PHB2: variants seen among roughly 807,000 people sequenced by gnomAD.
PHB2 encodes prohibitin-2.
A neutral mutation model predicts 46.4 loss-of-function variants in PHB2; 22 were observed. The observed-to-expected ratio is 0.47, with a 90% CI of 0.34 to 0.68. The LOEUF is 0.68. PHB2 is among the 30% of genes least tolerant of loss of function. The pLI, the probability that PHB2 is intolerant of heterozygous loss-of-function variation, is 0.01. For synonymous variants in PHB2, 156 were observed against 150.5 expected (o/e 1.04, Z -0.27); for missense variants, 305 against 382.8 (o/e 0.80, Z 1.70).
rs1946297801 is a variant in PHB2 at position 6,970,230 on chromosome 12, G to C, written c.178C>G (p.Gln60Glu). 2.5e-6 allele frequency: 4 copies of C among 1,613,654 alleles called. No individual in the cohort carries two copies. In the South Asian group the frequency reaches 3.3e-5, roughly 13 times the overall value. Residue 60 changes from glutamine (Q) to glutamate (E), a missense_variant, in exon 2 of 10, where the codon CAG becomes GAG. This residue lies in a region of PHB2 where 241 missense variants were observed against 302.7 expected (regional missense o/e 0.80). Coordinates refer to ENST00000535923, the MANE Select transcript of PHB2 (RefSeq NM_001144831.2). Reference sequence around the variant, plus strand: ...AGGCCCTCGGCCAGGATAGTGTCCTGCTGCACTCCACCGATCCGATTGAAG... The same window carrying C: ...AGGCCCTCGGCCAGGATAGTGTCCTCCTGCACTCCACCGATCCGATTGAAG... Reference protein sequence around the residue: ...IFFNRIGGVQQDTILAEGLHF... With the variant: ...IFFNRIGGVQEDTILAEGLHF...
At chr12:6,970,392 C>A (rs782570354) in intron 1 of PHB2, 25 bp downstream of exon 1, 1 of 1,603,958 alleles carries the variant, frequency 6.2e-7, no homozygotes, top group South Asian at 1.1e-5. Context: ...TGGAAGCGTC[C>A]GGCGAGCAGG....
Position 6,967,943 on chromosome 12 carries a change from C to T in PHB2, c.556G>A (p.Glu186Lys). The T allele has an allele frequency of 6.2e-7, 1 of 1,613,888 alleles. No individual in the cohort carries two copies. The change falls in exon 5 of 10, where the codon GAG (glutamate) becomes AAG (lysine). Residue 186 changes from glutamate to lysine, a missense_variant. By Grantham distance (56) the Glu-to-Lys change is moderately conservative. Coordinates refer to ENST00000535923, the MANE Select transcript of PHB2 (RefSeq NM_001144831.2). This position sits in a 1 kb window ranked among gnomAD's most constrained non-coding sequence, Gnocchi z 4.9. Reference sequence around the variant, plus strand: ...GTGTACTCTCGGCTAAAGCTCAGCTCTGTGATGGCCACATCATCCAGGATG... The same window carrying T: ...GTGTACTCTCGGCTAAAGCTCAGCTTTGTGATGGCCACATCATCCAGGATG... The part of the protein sequence containing the change: ...SLILDDVAIT[E>K]LSFSREYTAA...
Position 6,965,657 on chromosome 12 carries a change from C to G in PHB2, c.*28G>C, listed in dbSNP as rs1555150650. On this transcript the variant is annotated 3_prime_UTR_variant, in exon 10 of 10. Transcript: ENST00000535923. The stretch of plus-strand genomic sequence containing the variant: ...AACTGGAGAAGCAGATCCACTTCCT[C>G]TGGGGGTGGAGTTCTTGGTGACTAG... 1 of 1,601,426 alleles carries G rather than the reference C, an allele frequency of 6.2e-7. No individual in the cohort carries two copies. Among genetic ancestry groups the G allele is most frequent in the Non-Finnish European group, 8.5e-7 (1 of 1,169,928 alleles).
intron 9 of PHB2, 86 bp downstream of exon 9, chr12:6,965,825 T>G: frequency 6.3e-7 from 1 of 1,574,960 alleles, no homozygotes; most frequent in Non-Finnish European, 8.7e-7. Flanking sequence ...GGGTTTGTCT[T>G]CGGGGAGGTG....
Position 6,967,961 on chromosome 12 carries a change from C to T in PHB2, c.538G>A (p.Asp180Asn). Reference sequence around the variant, plus strand: ...CTCAGCTCTGTGATGGCCACATCATCCAGGATGAGGCTGAAGTCCTTGGCC... The same window carrying T: ...CTCAGCTCTGTGATGGCCACATCATTCAGGATGAGGCTGAAGTCCTTGGCC... Reference protein sequence around the residue: ...ERAKDFSLILDDVAITELSFS... With the variant: ...ERAKDFSLILNDVAITELSFS... Residue 180 changes from aspartate (D) to asparagine (N), a missense_variant, in exon 5 of 10, where the codon GAT (aspartate) becomes AAT (asparagine). Asp to Asn is a conservative substitution (Grantham distance 23). Coordinates refer to ENST00000535923, the MANE Select transcript of PHB2 (RefSeq NM_001144831.2). This position sits in a 1 kb window ranked among gnomAD's most constrained non-coding sequence, Gnocchi z 4.9. 6.2e-7 allele frequency: 1 copy of T among 1,613,454 alleles called. No homozygotes were observed. The highest frequency in any genetic ancestry group is 8.5e-7 in the Non-Finnish European group (1 of 1,179,402).
intron 8 of PHB2, 135 bp from the exon 9 acceptor site, chr12:6,966,051 G>GA: frequency 2.2e-6 from 2 of 924,388 alleles, no homozygotes; most frequent in Non-Finnish European, 1.7e-6. Context: ...TGACAGCCAG[G>GA]AATCTCAGGC....
In PHB2 at chr12:6,970,226, T is replaced by C; in HGVS notation, c.182A>G (p.Asp61Gly). ...GTGAAGGCCCTCGGCCAGGATAGTG[T>C]CCTGCTGCACTCCACCGATCCGATT... is the stretch of plus-strand genomic sequence containing the variant. Reference protein sequence around the residue: ...FFNRIGGVQQDTILAEGLHFR... With the variant: ...FFNRIGGVQQGTILAEGLHFR... The change falls in exon 2 of 10, where the codon GAC becomes GGC. Residue 61 changes from aspartate (D) to glycine (G), a missense_variant. By Grantham distance (94) the Asp-to-Gly change is moderately conservative. This residue lies in a region of PHB2 where 241 missense variants were observed against 302.7 expected (regional missense o/e 0.80). Transcript: ENST00000535923. The C allele has an allele frequency of 6.2e-7, 1 of 1,613,812 alleles. No individual in the cohort carries two copies. Among genetic ancestry groups the C allele is most frequent in the Non-Finnish European group, 8.5e-7 (1 of 1,179,840 alleles).
intron 9 of PHB2, 66 bp from the exon 10 acceptor site, chr12:6,965,778 T>G (rs945322895): frequency 2.6e-6 from 4 of 1,551,648 alleles, no homozygotes; most frequent in Non-Finnish European, 3.5e-6. Context: ...CAGGACACTC[T>G]AGGCCATTCC....
chr12:6,966,142 G>T (rs1480973347), intron 8 of PHB2, among the ~76,000 whole-genome samples: 1 of 152,216 alleles, frequency 6.6e-6, no homozygotes, highest in Admixed American at 6.5e-5. Flanking sequence ...CACCAGAGGA[G>T]TTTGAGGGCT....
In PHB2 at chr12:6,969,690, A is replaced by C. The variant is rs782363323; in HGVS notation, c.213-113T>G. 6.7e-4 allele frequency: 430 copies of C among 639,764 alleles called. 1 individual carries two copies. The highest frequency in any genetic ancestry group is 6.4e-3 in the African/African-American group (349 of 54,838). 39.6% of individuals were successfully genotyped at this position (639,764 alleles called of 1,614,324 possible). A position where few individuals can be genotyped will look rare whatever the true frequency, so the allele number is the denominator to read the frequency against. ...CGAGGCGGGCGGATCATTTGAGGTC[A>C]GGAGTTCGAGACCAGCTTGATCTAC... On this transcript the variant is annotated intron_variant, in intron 2 of 9. Transcript: ENST00000535923.
Position 6,968,580 on chromosome 12 carries a change from T to C in PHB2, c.308A>G (p.Asn103Ser). The C allele has an allele frequency of 2.5e-6, 4 of 1,613,672 alleles. No individual in the cohort carries two copies. Among genetic ancestry groups the C allele is most frequent in the Non-Finnish European group, 2.5e-6 (3 of 1,179,754 alleles). ...PTGSKDLQMV[N>S]ISLRVLSRPN... ...TCGAGACAACACTCGCAGGGAGATA[T>C]TCACCATCTGTAGGTCTGAGATTGA... Residue 103 changes from asparagine to serine, a missense_variant, in exon 4 of 10, where the codon AAT becomes AGT. Around this residue, in one of 3 missense-constraint regions of PHB2, gnomAD observed 241 missense variants for 302.7 expected, o/e 0.80. Coordinates refer to ENST00000535923, the MANE Select transcript of PHB2 (RefSeq NM_001144831.2).
At chr12:6,969,261 C>T (rs971243166) in intron 3 of PHB2, among the ~76,000 whole-genome samples, 3 of 152,226 alleles carry the variant, frequency 2.0e-5, no homozygotes, top group Middle Eastern at 3.4e-3. Context: ...GTGAACAAGA[C>T]GAGGGACAAA....
chr12:6,970,463 C>G lies in PHB2; in HGVS notation c.81G>C (p.Leu27=). The change falls in exon 1 of 10, where the codon CTG becomes CTC. Residue 27 remains leucine, a synonymous_variant. Transcript: ENST00000535923. ...RGMGTALKLL[L]GAGAVAYGVR... ...CACCGTAGGCCACGGCGCCGGCCCC[C>G]AGCAACAGCTTCAGGGCCGTGCCCA... 1 of 1,605,582 alleles carries G rather than the reference C, an allele frequency of 6.2e-7. No individual in the cohort carries two copies. The highest frequency in any genetic ancestry group is 8.5e-7 in the Non-Finnish European group (1 of 1,179,568).
chr12:6,967,882 T>C lies in PHB2; in HGVS notation c.607+10A>G. The C allele has an allele frequency of 6.2e-7, 1 of 1,613,368 alleles. No homozygotes were observed. Among genetic ancestry groups the C allele is most frequent in the Non-Finnish European group, 8.5e-7 (1 of 1,179,484 alleles). ...TCAGAAGCCCTCACCCCACGGCTCT[T>C]GCGACTCACCCACTTGTTTGGCTTC... On this transcript the variant is annotated intron_variant, in intron 5 of 9. Coordinates refer to ENST00000535923, the MANE Select transcript of PHB2 (RefSeq NM_001144831.2). The surrounding 1 kb of genome is among the most constrained non-coding windows in gnomAD (Gnocchi z 4.9).
At position 6,965,551 on chromosome 12, in the gene PHB2, T is replaced by G. The variant is rs1591698832; in HGVS notation, c.*134A>C. 1.4e-6 allele frequency: 1 copy of G among 718,414 alleles called. No individual in the cohort carries two copies. Among genetic ancestry groups the G allele is most frequent in the Non-Finnish European group, 2.5e-6 (1 of 399,396 alleles). 44.5% of individuals were successfully genotyped at this position (718,414 alleles called of 1,614,324 possible). A position where few individuals can be genotyped will look rare whatever the true frequency, so the allele number is the denominator to read the frequency against. On this transcript the variant is annotated 3_prime_UTR_variant, in exon 10 of 10. Transcript: ENST00000535923. ...TCAGTCTTCCTTAATCCAAGAGGGG[T>G]TCAGGGAACCGGTGTGGGGGACCAT...
Position 6,967,101 on chromosome 12 carries a change from C to G in PHB2, c.789+70G>C. 7.9e-7 allele frequency: 1 copy of G among 1,271,542 alleles called. No individual in the cohort carries two copies. The highest frequency in any genetic ancestry group is 1.1e-6 in the Non-Finnish European group (1 of 894,454). 78.8% of individuals were successfully genotyped at this position (1,271,542 alleles called of 1,614,324 possible). A position where few individuals can be genotyped will look rare whatever the true frequency, so the allele number is the denominator to read the frequency against. On this transcript the variant is annotated intron_variant, in intron 7 of 9. Transcript: ENST00000535923. The surrounding 1 kb of genome is among the most constrained non-coding windows in gnomAD (Gnocchi z 4.9). ...ACAAGCAAGGTTCGAATTCCCTCAC[C>G]TCAATGTGCCTTAACTGAAAGCACT...
chr12:6,969,548 T>A lies in PHB2; in HGVS notation c.242A>T (p.Tyr81Phe). The A allele has an allele frequency of 6.2e-7, 1 of 1,609,656 alleles. No individual in the cohort carries two copies. The highest frequency in any genetic ancestry group is 8.5e-7 in the Non-Finnish European group (1 of 1,176,622). ...RIPWFQYPII[Y>F]DIRARPRKIS... ...TTTTCGAGGTCTGGCCCGAATGTCA[T>A]AGATAATGGGGTACTGGAACCAAGG... The change falls in exon 3 of 10, where the codon TAT becomes TTT. Residue 81 changes from tyrosine to phenylalanine, a missense_variant. Physicochemically the swap from Tyr to Phe is conservative, Grantham distance 22 (BLOSUM62 3). Transcript: ENST00000535923.
chr12:6,965,494 G>A lies in PHB2; in HGVS notation c.*191C>T, dbSNP rs1407295245. On this transcript the variant is annotated 3_prime_UTR_variant, in exon 10 of 10. Coordinates refer to ENST00000535923, the MANE Select transcript of PHB2 (RefSeq NM_001144831.2). ...ACAGCCCCAGTTAACACAGGGAGGA[G>A]GAAAGTAATTCCCCAGAAAAGGGGC... 1 of 635,976 alleles carries A rather than the reference G, an allele frequency of 1.6e-6. No homozygotes were observed. Among genetic ancestry groups the A allele is most frequent in the South Asian group, 1.8e-5 (1 of 57,052 alleles). 39.4% of individuals were successfully genotyped at this position (635,976 alleles called of 1,614,324 possible).
rs1946245846 is a variant in PHB2, at chr12:6,968,031, G to A, written c.478-10C>T. The A allele has an allele frequency of 6.3e-7, 1 of 1,587,160 alleles. No homozygotes were observed. The highest frequency in any genetic ancestry group is 1.7e-5 in the Admixed American group (1 of 57,582). On this transcript the variant is annotated splice_polypyrimidine_tract_variant and intron_variant, in intron 4 of 9. Transcript: ENST00000535923. ...GGATCAACAGGGATACCTGAGGGCA[G>A]GGGTGAAGAGGGGAAGGGAGGGGTG...
Sources: gnomAD v4.1 joint callset for allele counts (sites outside exome capture counted in the v4.1 genomes callset) on GRCh38, gnomAD v4.1.1 for gene constraint, gnomAD v4.1.1 regional missense constraint, Gnocchi (gnomAD v3.1) non-coding constraint, MANE v1.5 for transcripts, NCBI Gene and HGNC (gene_info 2026-07-23, HGNC 2026-07-21) for gene names.